DNM1: variants seen among roughly 807,000 people sequenced by gnomAD.
DNM1 encodes the protein dynamin 1, also known as dynamin-1.
Under a neutral mutation model 104.6 loss-of-function variants are expected in DNM1, and 29 were observed. The ratio of observed to expected loss-of-function variants is 0.28; its 90% confidence interval spans 0.21 to 0.38. The LOEUF is 0.38. Ranked by LOEUF, DNM1 falls within the 10% of genes least tolerant of loss-of-function variation. The pLI, the probability that DNM1 is intolerant of heterozygous loss-of-function variation, is 1.00. For missense variants in DNM1, 640 were observed against 1,189.4 expected (o/e 0.54, Z 6.79); for synonymous variants, 445 against 475.8 (o/e 0.94, Z 0.84).
chr9:128,225,446 G>A (rs1835283740), intron 10 of DNM1, among the ~76,000 whole-genome samples: 1 of 152,196 alleles, frequency 6.6e-6, no homozygotes, highest in Admixed American at 6.5e-5. Flanking sequence ...TTACGGGAAT[G>A]GACCCCCCTG....
Position 128,203,458 on chromosome 9 carries a change from G to T in DNM1, c.-13G>T, listed in dbSNP as rs928532911. 3 of 1,468,988 alleles carry T rather than the reference G, an allele frequency of 2.0e-6. No homozygotes were observed. The highest frequency in any genetic ancestry group is 2.6e-5 in the South Asian group (2 of 77,380). 91.0% of individuals were successfully genotyped at this position (1,468,988 alleles called of 1,614,324 possible). ...CGGCAGCCGGATCGCAGCCTGCGGG[G>T]CCCGCCGCAGCCATGGGCAACCGCG... is the stretch of plus-strand genomic sequence containing the variant. On this transcript the variant is annotated 5_prime_UTR_variant, in exon 1 of 22. Coordinates refer to ENST00000372923, the MANE Select transcript of DNM1 (RefSeq NM_004408.4). The surrounding 1 kb of genome is among the most constrained non-coding windows in gnomAD (Gnocchi z 5.3).
chr9:128,251,635 A>ACC (rs200872111), intron 21 of DNM1: 107 of 94,948 alleles, frequency 1.1e-3, no homozygotes, highest in African/African-American at 3.7e-3. Flanking sequence ...CCCCCCAACC[A>ACC]CCCCCTCCGC....
chr9:128,208,099 C>A (rs1834081457), intron 1 of DNM1, among the ~76,000 whole-genome samples: 1 of 151,114 alleles, frequency 6.6e-6, no homozygotes. Flanking sequence ...CACTCTGTCA[C>A]CCAGACTTGG....
chr9:128,231,666 CAT>C (rs1384431817), intron 10 of DNM1, among the ~76,000 whole-genome samples: 1 of 152,160 alleles, frequency 6.6e-6, no homozygotes, highest in African/African-American at 2.4e-5. Flanking sequence ...AGTGAACTCT[CAT>C]TACTGCCAGC....
At chr9:128,249,995 C>T (rs1340739948) in intron 19 of DNM1, 120 bp from the exon 20 acceptor site, 1 of 1,438,178 alleles carries the variant, frequency 7.0e-7, no homozygotes, top group Non-Finnish European at 9.6e-7. Flanking sequence ...CCAGTCTACG[C>T]AGTGTAGGAG....
intron 1 of DNM1, among the ~76,000 whole-genome samples, chr9:128,216,915 C>T (rs1834640769): frequency 1.3e-5 from 2 of 152,240 alleles, no homozygotes; most frequent in Admixed American, 1.3e-4. Context: ...CTGTTCCCCC[C>T]TTTCCTGGGC....
chr9:128,213,202 C>A (rs1164628963), intron 1 of DNM1, among the ~76,000 whole-genome samples: 1 of 152,182 alleles, frequency 6.6e-6, no homozygotes, highest in African/African-American at 2.4e-5. Context: ...CTGCCTCAGT[C>A]TCCCGAGTAG....
At chr9:128,244,333 G>A (rs1451097225) in intron 15 of DNM1, among the ~76,000 whole-genome samples, 1 of 151,914 alleles carries the variant, frequency 6.6e-6, no homozygotes, top group Non-Finnish European at 1.5e-5. Context: ...GTGAGTTCTG[G>A]GGCTGTGAGT....
rs1829637648 is a variant in DNM1 at position 128,253,189 on chromosome 9, C to T, written c.2535-1465C>T. The T allele has an allele frequency of 1.3e-6, 2 of 1,567,638 alleles. No homozygotes were observed. The highest frequency in any genetic ancestry group is 3.3e-5 in the Admixed American group (2 of 59,720). On this transcript the variant is annotated intron_variant, in intron 21 of 21. Coordinates refer to ENST00000372923, the MANE Select transcript of DNM1 (RefSeq NM_004408.4). The surrounding 1 kb of genome is among the most constrained non-coding windows in gnomAD (Gnocchi z 5.9). ...CATGAACGGTGTGTCTGCCCCGCTGCACTAGCTCCACACGGGGCGCGCACC... is the reference window on the plus strand; with the variant it reads ...CATGAACGGTGTGTCTGCCCCGCTGTACTAGCTCCACACGGGGCGCGCACC...
intron 15 of DNM1, among the ~76,000 whole-genome samples, chr9:128,242,860 AAGG>A (rs966446829): frequency 2.6e-5 from 4 of 151,874 alleles, no homozygotes; most frequent in African/African-American, 9.7e-5. Flanking sequence ...TTGGAAGGAG[AAGG>A]TAGCTTGGCA....
rs781682149 is a variant in DNM1 at position 128,239,809 on chromosome 9, G to C, written c.1545+30G>C. 6.2e-6 allele frequency: 10 copies of C among 1,607,048 alleles called. No homozygotes were observed. The African/African-American group carries it at 1.2e-4, about 19-fold the overall frequency. Reference sequence around the variant, plus strand: ...GTGGGGCCCAGCACCCCAGCCCGAGGGATGGAGGGTGCCGGACGGACACCA... The same window carrying C: ...GTGGGGCCCAGCACCCCAGCCCGAGCGATGGAGGGTGCCGGACGGACACCA... On this transcript the variant is annotated intron_variant, in intron 13 of 21. Transcript: ENST00000372923.
chr9:128,216,131 T>C (rs1834590849), intron 1 of DNM1, among the ~76,000 whole-genome samples: 1 of 151,344 alleles, frequency 6.6e-6, no homozygotes, highest in Non-Finnish European at 1.5e-5. Context: ...CCCACCACAC[T>C]GTGAGTTCCT....
At position 128,254,403 on chromosome 9, in the gene DNM1, G is replaced by C. The variant is rs1206073729; in HGVS notation, c.2535-251G>C. ...TGCCGTGTGAGAGGCCAGCGTGTGT[G>C]GGGTGGGGAGGGCCGCCACAGCCCC... On this transcript the variant is annotated intron_variant, in intron 21 of 21. Coordinates refer to ENST00000372923, the MANE Select transcript of DNM1 (RefSeq NM_004408.4). This position sits in a 1 kb window ranked among gnomAD's most constrained non-coding sequence, Gnocchi z 6.1. 15 of 1,424,088 alleles carry C rather than the reference G, an allele frequency of 1.1e-5. No homozygotes were observed. Among genetic ancestry groups the C allele is most frequent in the Non-Finnish European group, 1.4e-5 (15 of 1,096,414 alleles). 88.2% of individuals were successfully genotyped at this position (1,424,088 alleles called of 1,614,324 possible). A position where few individuals can be genotyped will look rare whatever the true frequency, so the allele number is the denominator to read the frequency against.
intron 21 of DNM1, chr9:128,252,897 G>A: frequency 1.4e-6 from 1 of 690,278 alleles, no homozygotes; most frequent in Non-Finnish European, 2.6e-6. Flanking sequence ...GCCGGCCAGT[G>A]AGGGTGCTGG....
rs372487454 is a variant in DNM1 at position 128,215,683 on chromosome 9, C to G, written c.162-2548C>G. Among the ~76,000 whole-genome samples, 19 of 152,310 alleles carry G rather than the reference C, an allele frequency of 1.2e-4. No homozygotes were observed. The South Asian group carries it at 3.7e-3, about 30-fold the overall frequency. On this transcript the variant is annotated intron_variant, in intron 1 of 21. Transcript: ENST00000372923. ...TGTGGCACCTTGGAGACCTCCACCCCTCAGGCTCACCAGGGCTGCGTGGGC... is the reference window on the plus strand; with the variant it reads ...TGTGGCACCTTGGAGACCTCCACCCGTCAGGCTCACCAGGGCTGCGTGGGC...
rs1833607971 is a variant in DNM1, at chr9:128,203,434, G to GGCAGCCGGATC, written c.-30_-20dup. On this transcript the variant is annotated 5_prime_UTR_variant, in exon 1 of 22. Coordinates refer to ENST00000372923, the MANE Select transcript of DNM1 (RefSeq NM_004408.4). This position sits in a 1 kb window ranked among gnomAD's most constrained non-coding sequence, Gnocchi z 5.3. Reference sequence around the variant, plus strand: ...CGGAGTCGGAGCCGGGAGCGCTAGCGGCAGCCGGATCGCAGCCTGCGGGGC... The same window carrying GGCAGCCGGATC: ...CGGAGTCGGAGCCGGGAGCGCTAGCGGCAGCCGGATCGCAGCCGGATCGCAGCCTGCGGGGC... 7.0e-7 allele frequency: 1 copy of GGCAGCCGGATC among 1,429,544 alleles called. No homozygotes were observed. Among genetic ancestry groups the GGCAGCCGGATC allele is most frequent in the Non-Finnish European group, 9.2e-7 (1 of 1,087,810 alleles). The allele number at this position is 1,429,544 out of a possible 1,614,324, so 88.6% of individuals were successfully genotyped here.
In DNM1 at chr9:128,247,883, G is replaced by A; in HGVS notation, c.1894-41G>A. On this transcript the variant is annotated intron_variant, in intron 17 of 21. Transcript: ENST00000372923. The surrounding 1 kb of genome is among the most constrained non-coding windows in gnomAD (Gnocchi z 5.1). The stretch of plus-strand genomic sequence containing the variant: ...GTGTTTCCTTCGGCTGTGCTCCCTG[G>A]TGGTGGCGGCGGTGGCAATGTTGGT... 1.9e-6 allele frequency: 3 copies of A among 1,611,130 alleles called. No individual in the cohort carries two copies. Among genetic ancestry groups the A allele is most frequent in the African/African-American group, 1.3e-5 (1 of 74,934 alleles).
At chr9:128,215,512 C>G (rs1435532769) in intron 1 of DNM1, among the ~76,000 whole-genome samples, 1 of 152,246 alleles carries the variant, frequency 6.6e-6, no homozygotes, top group African/African-American at 2.4e-5. Context: ...GAGGGGTTGA[C>G]CCCCAGACAT....
chr9:128,233,904 G>C (rs1216047676), intron 10 of DNM1, 117 bp from the exon 11 acceptor site: 1 of 895,210 alleles, frequency 1.1e-6, no homozygotes, highest in Non-Finnish European at 1.8e-6. Context: ...CCCGCGTTGT[G>C]GGCATTCTGT....
Sources: allele counts gnomAD v4.1 joint callset (sites outside exome capture counted in the v4.1 genomes callset), GRCh38; gene constraint gnomAD v4.1.1; non-coding constraint Gnocchi (gnomAD v3.1); transcripts MANE v1.5; gene names NCBI Gene and HGNC (gene_info 2026-07-23, HGNC 2026-07-21).